Variants in CD300LD observed in about 807,000 individuals in gnomAD.
The protein encoded by CD300LD is CMRF35-like molecule 5.
A neutral mutation model predicts 20.3 loss-of-function variants in CD300LD; 18 were observed. The ratio of observed to expected loss-of-function variants is 0.89; its 90% CI spans 0.61 to 1.32. CD300LD has a LOEUF of 1.32. Among genes scored for constraint, CD300LD ranks in the 40% most tolerant of loss-of-function variants. The pLI, the probability that CD300LD is intolerant of heterozygous loss-of-function variation, is 0.00. For synonymous variants in CD300LD, 104 were observed against 90.1 expected, an observed-to-expected ratio of 1.15 and a Z score of -0.87; for missense variants, 195 against 226.6, an observed-to-expected ratio of 0.86 and a Z score of 0.90.
intron 1 of CD300LD, 25 bp downstream of exon 1, chr17:74,592,138 G>T (rs780570694): frequency 3.1e-6 from 5 of 1,614,150 alleles, no homozygotes; most frequent in Middle Eastern, 3.3e-4. Flanking sequence ...TCATTCCAGT[G>T]CCTTAAAGCT....
intron 1 of CD300LD, chr17:74,590,419 C>T (rs1315003742): frequency 6.6e-6 from 1 of 152,006 alleles, no homozygotes; most frequent in African/African-American, 2.4e-5. Flanking sequence ...TGGCATCTAC[C>T]TCTATGTTAC....
intron 2 of CD300LD, among the ~76,000 whole-genome samples, chr17:74,583,214 T>C (rs2030077137): frequency 6.6e-6 from 1 of 152,134 alleles, no homozygotes. Flanking sequence ...GATATGCTAG[T>C]CCCCAGTACC....
At chr17:74,590,362 A>T (rs1228320172) in intron 1 of CD300LD, 1 of 152,152 alleles carries the variant, frequency 6.6e-6, no homozygotes, top group East Asian at 1.9e-4. Context: ...CAGCGTGAAA[A>T]TGGACTAATA....
At chr17:74,591,993 C>A in intron 1 of CD300LD, 170 bp downstream of exon 1, 1 of 1,538,928 alleles carries the variant, frequency 6.5e-7, no homozygotes, top group Non-Finnish European at 8.8e-7. Context: ...GCATCTAACA[C>A]AGAACCTGTC....
rs757905488 is a variant in CD300LD, at chr17:74,588,491, G to C, written c.379+20C>G. ...AGAGCAGGACCTGAGAGACACACAC[G>C]TATATACACTCCCTCTTACCTGGGT... On this transcript the variant is annotated intron_variant, in intron 2 of 3. Transcript: ENST00000375352. The C allele has an allele frequency of 1.3e-6, 2 of 1,528,182 alleles. No individual in the cohort carries two copies. Among genetic ancestry groups the C allele is most frequent in the Admixed American group, 3.4e-5 (2 of 58,954 alleles). The allele number at this position is 1,528,182 out of a possible 1,614,324, so 94.7% of individuals were successfully genotyped here. A position where few individuals can be genotyped will look rare whatever the true frequency, so the allele number is the denominator to read the frequency against.
chr17:74,589,366 A>G (rs967739689), intron 1 of CD300LD, among the ~76,000 whole-genome samples: 2 of 152,224 alleles, frequency 1.3e-5, no homozygotes, highest in African/African-American at 4.8e-5. Flanking sequence ...TATGGGATCC[A>G]CATCACACAG....
chr17:74,587,596 T>G (rs1175430960), intron 2 of CD300LD, among the ~76,000 whole-genome samples: 1 of 152,258 alleles, frequency 6.6e-6, no homozygotes, highest in African/African-American at 2.4e-5. Flanking sequence ...CTTAATATTA[T>G]CTGTGTTCTG....
At chr17:74,581,347 G>T (rs528033596) in intron 3 of CD300LD, among the ~76,000 whole-genome samples, 1 of 152,278 alleles carries the variant, frequency 6.6e-6, no homozygotes, top group East Asian at 1.9e-4. Context: ...AGAGACACGG[G>T]CCTCTGCGCT....
intron 3 of CD300LD, among the ~76,000 whole-genome samples, chr17:74,580,470 C>T (rs1245568643): frequency 1.3e-5 from 2 of 152,266 alleles, no homozygotes; most frequent in South Asian, 4.1e-4. Context: ...CCTCTCCGCC[C>T]TCATCGCTGC....
At chr17:74,582,911 A>T (rs2030069956) in intron 2 of CD300LD, among the ~76,000 whole-genome samples, 1 of 152,124 alleles carries the variant, frequency 6.6e-6, no homozygotes, top group Non-Finnish European at 1.5e-5. Context: ...GTGTGTAGTG[A>T]GTTTTGATAT....
chr17:74,589,310 C>A (rs1287707220), intron 1 of CD300LD, among the ~76,000 whole-genome samples: 2 of 152,176 alleles, frequency 1.3e-5, no homozygotes, highest in Admixed American at 6.5e-5. Context: ...CTGAATGAAT[C>A]CCTTTGAAAT....
At chr17:74,591,003 A>G (rs918558436) in intron 1 of CD300LD, among the ~76,000 whole-genome samples, 2 of 152,100 alleles carry the variant, frequency 1.3e-5, no homozygotes, top group African/African-American at 4.8e-5. Flanking sequence ...TGAGCCTGGG[A>G]GGTCAAGGCT....
At chr17:74,589,016 C>A (rs1034983210) in intron 1 of CD300LD, among the ~76,000 whole-genome samples, 167 bp from the exon 2 acceptor site, 3 of 152,228 alleles carry the variant, frequency 2.0e-5, no homozygotes, top group African/African-American at 7.2e-5. Context: ...GGGTCAAAGT[C>A]ACCAGGAAAA....
chr17:74,592,186 G>A lies in CD300LD; in HGVS notation c.17C>T (p.Ser6Phe), dbSNP rs1382930417. 1 of 1,614,180 alleles carries A rather than the reference G, an allele frequency of 6.2e-7. No homozygotes were observed. Among genetic ancestry groups the A allele is most frequent in the Non-Finnish European group, 8.5e-7 (1 of 1,180,042 alleles). The part of the protein sequence containing the change: MWLSP[S>F]LLLLILPGYS... The stretch of plus-strand genomic sequence containing the variant: ...ACCTGGGAGGATGAGAAGCAGCAGA[G>A]ATGGGGACAGCCACATGGTCCTGTC... Residue 6 changes from serine (S) to phenylalanine (F), a missense_variant, in exon 1 of 4, where the codon TCT (serine) becomes TTT (phenylalanine). Physicochemically the swap from Ser to Phe is radical, Grantham distance 155. Transcript: ENST00000375352.
At chr17:74,584,839 C>T (rs1488320148) in intron 2 of CD300LD, 1 of 154,310 alleles carries the variant, frequency 6.5e-6, no homozygotes, top group African/African-American at 2.4e-5. Context: ...CAAAGAAGGT[C>T]TGCTGGAGCA....
intron 2 of CD300LD, among the ~76,000 whole-genome samples, chr17:74,585,238 C>T (rs957733175): frequency 1.3e-5 from 2 of 152,142 alleles, no homozygotes; most frequent in Non-Finnish European, 2.9e-5. Context: ...AGGATTAAAA[C>T]GGGCTCACCA....
chr17:74,580,358 T>A (rs2030006540), intron 3 of CD300LD, among the ~76,000 whole-genome samples: 1 of 152,208 alleles, frequency 6.6e-6, no homozygotes, highest in Non-Finnish European at 1.5e-5. Context: ...CATCCGGCCT[T>A]TTTGGCTGGT....
intron 2 of CD300LD, among the ~76,000 whole-genome samples, chr17:74,583,583 ACTAT>A (rs1331412445): frequency 2.0e-5 from 3 of 152,188 alleles, no homozygotes; most frequent in African/African-American, 7.2e-5. Flanking sequence ...ATTTTCTCTT[ACTAT>A]CTATGAGTTG....
At chr17:74,579,018 C>T (rs773532839), downstream of CD300LD, among the ~76,000 whole-genome samples, 17 of 152,338 alleles carry the variant, frequency 1.1e-4, no homozygotes, top group Admixed American at 3.9e-4. Flanking sequence ...AACTGCAATA[C>T]TCTTAAAAGA....
Sources: gnomAD v4.1 joint callset for allele counts (sites outside exome capture counted in the v4.1 genomes callset) on GRCh38, gnomAD v4.1.1 for gene constraint, MANE v1.5 for transcripts, NCBI Gene and HGNC (gene_info 2026-07-23, HGNC 2026-07-21) for gene names.